Variants in THSD4 observed in about 807,000 individuals in gnomAD.
The protein encoded by THSD4 is thrombospondin type 1 domain containing 4.
THSD4 carries 69 observed loss-of-function variants against 119.0 expected under a neutral mutation model. That is an observed-to-expected ratio of 0.58 (90% CI 0.48 to 0.71). The LOEUF (loss-of-function observed/expected upper bound fraction) is 0.71. THSD4 is among the 30% of genes least tolerant of loss of function. THSD4 has a pLI of 0.00. For synonymous variants in THSD4, 524 were observed against 540.4 expected, an observed-to-expected ratio of 0.97 and a Z score of 0.42; for missense variants, 1,393 against 1,391.1, an observed-to-expected ratio of 1.00 and a Z score of -0.02.
intron 7 of THSD4, among the ~76,000 whole-genome samples, chr15:71,560,030 C>T (rs1056609558): frequency 1.3e-5 from 2 of 152,116 alleles, no homozygotes; most frequent in African/African-American, 4.8e-5. Flanking sequence ...ATACTTTTGA[C>T]ATGCATACTC....
chr15:71,596,146 A>C (rs551614107), intron 7 of THSD4, among the ~76,000 whole-genome samples: 1 of 152,268 alleles, frequency 6.6e-6, no homozygotes, highest in Admixed American at 6.5e-5. Flanking sequence ...TCCTTTATTA[A>C]AAACATGTCT....
chr15:71,210,500 T>C (rs944709044), intron 3 of THSD4, among the ~76,000 whole-genome samples: 3 of 152,216 alleles, frequency 2.0e-5, no homozygotes, highest in Non-Finnish European at 4.4e-5. Flanking sequence ...CACTGCATTC[T>C]GCCTTATTTT....
chr15:71,338,747 C>G (rs918729694), intron 6 of THSD4, among the ~76,000 whole-genome samples: 6 of 152,096 alleles, frequency 3.9e-5, no homozygotes, highest in Non-Finnish European at 7.4e-5. Flanking sequence ...GCAACAGACA[C>G]TTGGTGGGAG....
intron 7 of THSD4, among the ~76,000 whole-genome samples, chr15:71,653,558 C>T (rs2051133226): frequency 6.6e-6 from 1 of 152,116 alleles, no homozygotes; most frequent in Non-Finnish European, 1.5e-5. Context: ...AAGGCAACCC[C>T]CATAAGAAAG....
intron 3 of THSD4, among the ~76,000 whole-genome samples, chr15:71,158,652 G>T (rs1282614085): frequency 1.3e-4 from 18 of 142,976 alleles, no homozygotes; most frequent in African/African-American, 2.5e-4. Context: ...TGTTGAGTTG[G>T]TTTTTTTTTT....
intron 14 of THSD4, among the ~76,000 whole-genome samples, chr15:71,748,988 G>A (rs2053394977): frequency 6.6e-6 from 1 of 152,206 alleles, no homozygotes; most frequent in African/African-American, 2.4e-5. Context: ...CCAGTAGCCT[G>A]GCCTCCCATG....
intron 7 of THSD4, among the ~76,000 whole-genome samples, chr15:71,523,380 G>T (rs2048470946): frequency 6.6e-6 from 1 of 152,104 alleles, no homozygotes. Flanking sequence ...TTTCTCTTCT[G>T]TGTGTCTCTC....
chr15:71,701,153 GCTC>G (rs1157473359), intron 8 of THSD4, among the ~76,000 whole-genome samples: 1 of 152,066 alleles, frequency 6.6e-6, no homozygotes, highest in Non-Finnish European at 1.5e-5. Flanking sequence ...ATTTTTTAAA[GCTC>G]CTGAAGTTCA....
chr15:71,182,519 T>C (rs1454376721), intron 3 of THSD4, among the ~76,000 whole-genome samples: 2 of 151,774 alleles, frequency 1.3e-5, no homozygotes, highest in East Asian at 3.8e-4. Context: ...AAAATTTCCA[T>C]TCCCTCCCAC....
At chr15:71,612,974 A>G (rs2140913697) in intron 7 of THSD4, among the ~76,000 whole-genome samples, 1 of 152,338 alleles carries the variant, frequency 6.6e-6, no homozygotes, top group African/African-American at 2.4e-5. Flanking sequence ...CCCTTGTCAC[A>G]TGGTCACATG....
At position 71,738,007 on chromosome 15, in the gene THSD4, G is replaced by A. The variant is rs2053154752; in HGVS notation, c.1906G>A (p.Gly636Arg). Residue 636 changes from glycine (G) to arginine (R), a missense_variant and splice_region_variant, in exon 11 of 18, where the codon GGA becomes AGA. Physicochemically the swap from Gly to Arg is moderately radical, Grantham distance 125 (BLOSUM62 -2). Transcript: ENST00000261862. ...TTECSTTCGK[G>R]SQYPIFRCVH... ...AGAATGTTCCACGACCTGTGGGAAA[G>A]GTGAGCCTGTGTGGGGGACGGGTGG... 1.9e-6 allele frequency: 3 copies of A among 1,613,136 alleles called. No homozygotes were observed. Among genetic ancestry groups the A allele is most frequent in the East Asian group, 2.2e-5 (1 of 44,872 alleles).
rs992669292 is a variant in THSD4, at chr15:71,703,987, T to C, written c.1358-24562T>C. On this transcript the variant is annotated intron_variant, in intron 8 of 17. Coordinates refer to ENST00000261862, the MANE Select transcript of THSD4 (RefSeq NM_024817.3). ...GCCTCAGCCTCCCGAGTAGCTGGGATTACAGGCGCCCACCACCACGCCCGG... is the reference window on the plus strand; with the variant it reads ...GCCTCAGCCTCCCGAGTAGCTGGGACTACAGGCGCCCACCACCACGCCCGG... 5.9e-5 allele frequency among the ~76,000 whole-genome samples: 9 copies of C among 151,986 alleles called. 1 individual carries two copies. Among genetic ancestry groups the C allele is most frequent in the Admixed American group, 3.9e-4 (6 of 15,262 alleles).
intron 17 of THSD4, among the ~76,000 whole-genome samples, chr15:71,773,432 A>G (rs1411311560): frequency 2.0e-5 from 3 of 152,218 alleles, no homozygotes; most frequent in Non-Finnish European, 4.4e-5. Flanking sequence ...CTAATATAAT[A>G]TAATACAAAA....
intron 7 of THSD4, among the ~76,000 whole-genome samples, chr15:71,448,205 T>A (rs904234690): frequency 2.0e-5 from 3 of 152,230 alleles, no homozygotes; most frequent in African/African-American, 7.2e-5. Context: ...ATACTAGAAA[T>A]GGGCCTTGTA....
chr15:71,290,011 C>T (rs902395416), intron 6 of THSD4, among the ~76,000 whole-genome samples: 8 of 152,206 alleles, frequency 5.3e-5, no homozygotes, highest in East Asian at 3.9e-4. Context: ...TACCTCCTCA[C>T]CTACCCTTCC....
intron 7 of THSD4, among the ~76,000 whole-genome samples, chr15:71,622,906 T>C (rs372184888): frequency 3.3e-5 from 5 of 152,204 alleles, no homozygotes; most frequent in East Asian, 3.9e-4. Flanking sequence ...GGGATCTACA[T>C]TGAGCTGGGC....
chr15:71,111,300 T>C (rs760170015), upstream of THSD4: 42 of 1,614,032 alleles, frequency 2.6e-5, no homozygotes, highest in Non-Finnish European at 3.5e-5. Context: ...GAAACCATTT[T>C]GCTCATGTCC....
At chr15:71,656,282 G>A (rs556565341) in intron 7 of THSD4, among the ~76,000 whole-genome samples, 1 of 152,306 alleles carries the variant, frequency 6.6e-6, no homozygotes, top group East Asian at 1.9e-4. Context: ...CTTTGGTTAT[G>A]TAAGATATTA....
intron 3 of THSD4, among the ~76,000 whole-genome samples, chr15:71,192,572 G>A (rs919940069): frequency 2.6e-5 from 4 of 152,140 alleles, no homozygotes; most frequent in South Asian, 2.1e-4. Flanking sequence ...GAACCACCGC[G>A]CTTGGCTCCT....
Sources: gnomAD v4.1 joint callset for allele counts (sites outside exome capture counted in the v4.1 genomes callset) on GRCh38, gnomAD v4.1.1 for gene constraint, MANE v1.5 for transcripts, NCBI Gene and HGNC (gene_info 2026-07-23, HGNC 2026-07-21) for gene names.